Variants in YES1 observed in about 807,000 individuals in gnomAD.
The protein encoded by YES1 is YES proto-oncogene 1, Src family tyrosine kinase.
Under a neutral mutation model 70.4 loss-of-function variants are expected in YES1, and 39 were observed. The ratio of observed to expected loss-of-function variants is 0.55; its 90% CI spans 0.43 to 0.72. YES1 has a LOEUF of 0.72. Ranked by LOEUF, YES1 falls within the 30% of genes least tolerant of loss-of-function variation. The pLI is 0.00. For synonymous variants in YES1, 198 were observed against 218.6 expected (o/e 0.91, Z 0.83); for missense variants, 495 against 644.8 (o/e 0.77, Z 2.52).
rs145406545 is a variant in YES1 at position 769,070 on chromosome 18, C to A, written c.-8-12235G>T. On this transcript the variant is annotated intron_variant, in intron 1 of 11. Coordinates refer to ENST00000314574, the MANE Select transcript of YES1 (RefSeq NM_005433.4). ...CTGCCTACAGCATTCAGTATAGTGA[C>A]ATGTTTGTAGCCTAGGAGCCATAGG... is the stretch of plus-strand genomic sequence containing the variant. Among the ~76,000 whole-genome samples the A allele has an allele frequency of 5.2e-4, 79 of 152,222 alleles. 1 individual carries two copies. In the East Asian group the frequency reaches 0.013, roughly 24 times the overall value.
chr18:779,014 T>C (rs1226131919), intron 1 of YES1, among the ~76,000 whole-genome samples: 1 of 152,192 alleles, frequency 6.6e-6, no homozygotes, highest in Non-Finnish European at 1.5e-5. Flanking sequence ...ACAATTGACC[T>C]TAAAGTAACC....
upstream of YES1, chr18:812,349 C>T (rs946952753): frequency 3.3e-5 from 5 of 151,884 alleles, no homozygotes. Context: ...CGGCCCCGCC[C>T]CCTGACTTCT....
At chr18:749,023 C>T (rs2080311506) in intron 3 of YES1, among the ~76,000 whole-genome samples, 1 of 151,940 alleles carries the variant, frequency 6.6e-6, no homozygotes, top group Non-Finnish European at 1.5e-5. Flanking sequence ...TAGCTAGATG[C>T]AGCGGCATGC....
intron 1 of YES1, among the ~76,000 whole-genome samples, chr18:792,150 G>A (rs892449740): frequency 6.6e-5 from 10 of 151,810 alleles, no homozygotes; most frequent in South Asian, 2.1e-4. Flanking sequence ...AAAAAATAAG[G>A]AAGTTTAGCC....
At chr18:745,552 T>A (rs1208994818) in intron 6 of YES1, among the ~76,000 whole-genome samples, 156 bp downstream of exon 6, 1 of 152,226 alleles carries the variant, frequency 6.6e-6, no homozygotes, top group Non-Finnish European at 1.5e-5. Flanking sequence ...GTACTAAGTA[T>A]TACCTGTTCC....
Position 795,000 on chromosome 18 carries a change from T to C in YES1, c.-9+17114A>G, listed in dbSNP as rs147116326. Among the ~76,000 whole-genome samples, 335 of 152,118 alleles carry C rather than the reference T, an allele frequency of 2.2e-3. 1 individual carries two copies. The highest frequency in any genetic ancestry group is 0.01 in the Middle Eastern group (3 of 294). On this transcript the variant is annotated intron_variant, in intron 1 of 11. Coordinates refer to ENST00000314574, the MANE Select transcript of YES1 (RefSeq NM_005433.4). ...CTGGCTAATTTTTGTATTTTTAGTA[T>C]AGACAAGGTTTCACCCATTAGCCAG...
intron 1 of YES1, among the ~76,000 whole-genome samples, chr18:799,937 G>A (rs1019723570): frequency 6.6e-6 from 1 of 151,962 alleles, no homozygotes; most frequent in African/African-American, 2.4e-5. Flanking sequence ...ATGATTGCTG[G>A]ACATATATTT....
intron 1 of YES1, chr18:797,891 C>G (rs1163575232): frequency 1.3e-5 from 2 of 152,164 alleles, no homozygotes; most frequent in African/African-American, 4.8e-5. Context: ...GACCTAGAGA[C>G]ATGAACTCAT....
chr18:743,437 A>C, intron 6 of YES1, 22 bp from the exon 7 acceptor site: 12 of 1,581,984 alleles, frequency 7.6e-6, no homozygotes, highest in Non-Finnish European at 1.0e-5. Flanking sequence ...AATAAACTAT[A>C]CTGTAATATC....
chr18:793,509 T>A (rs1436003563), intron 1 of YES1, among the ~76,000 whole-genome samples: 1 of 152,080 alleles, frequency 6.6e-6, no homozygotes, highest in African/African-American at 2.4e-5. Flanking sequence ...ACTAATTTTT[T>A]AATTTTTTGC....
intron 1 of YES1, among the ~76,000 whole-genome samples, chr18:799,606 G>T (rs1056882227): frequency 6.6e-6 from 1 of 152,192 alleles, no homozygotes; most frequent in African/African-American, 2.4e-5. Context: ...AACTCAGGAG[G>T]CTGAGGCAGG....
chr18:762,950 A>G (rs950514321), intron 1 of YES1, among the ~76,000 whole-genome samples: 1 of 152,212 alleles, frequency 6.6e-6, no homozygotes, highest in Non-Finnish European at 1.5e-5. Context: ...AATACAACAA[A>G]TGTTATCAGC....
At chr18:747,131 TAATA>T (rs969967234) in intron 4 of YES1, among the ~76,000 whole-genome samples, 4 of 152,168 alleles carry the variant, frequency 2.6e-5, no homozygotes, top group Admixed American at 2.6e-4. Flanking sequence ...CATAAAATGA[TAATA>T]AATCTCTGAA....
At chr18:805,221 A>G (rs1335904932) in intron 1 of YES1, among the ~76,000 whole-genome samples, 2 of 152,188 alleles carry the variant, frequency 1.3e-5, no homozygotes, top group Non-Finnish European at 2.9e-5. Flanking sequence ...ACCTTGGGCC[A>G]TATAGTATGG....
chr18:807,823 CA>C (rs1314563202), intron 1 of YES1, among the ~76,000 whole-genome samples: 1 of 152,044 alleles, frequency 6.6e-6, no homozygotes, highest in Non-Finnish European at 1.5e-5. Context: ...AAGTAGAGTC[CA>C]AAGAACCTAT....
At chr18:784,229 CCAT>C (rs1905824974) in intron 1 of YES1, among the ~76,000 whole-genome samples, 1 of 152,130 alleles carries the variant, frequency 6.6e-6, no homozygotes, top group Non-Finnish European at 1.5e-5. Context: ...TATATGCTCA[CCAT>C]ATTAAAATAT....
At chr18:733,862 G>A (rs2080120618) in intron 10 of YES1, among the ~76,000 whole-genome samples, 1 of 149,054 alleles carries the variant, frequency 6.7e-6, no homozygotes, top group African/African-American at 2.5e-5. Context: ...TATTATAGGT[G>A]TCTTACATTC....
intron 4 of YES1, among the ~76,000 whole-genome samples, chr18:746,725 A>G (rs1038654605): frequency 1.3e-5 from 2 of 152,234 alleles, no homozygotes; most frequent in Non-Finnish European, 2.9e-5. Context: ...GCGTTTATGA[A>G]TCCCAGATAA....
intron 1 of YES1, among the ~76,000 whole-genome samples, chr18:760,371 G>A (rs1904526551): frequency 6.6e-6 from 1 of 152,154 alleles, no homozygotes. Context: ...TCGGGAGGCT[G>A]AGGCAGAAGA....
Sources: allele counts gnomAD v4.1 joint callset (sites outside exome capture counted in the v4.1 genomes callset), GRCh38; gene constraint gnomAD v4.1.1; transcripts MANE v1.5; gene names NCBI Gene and HGNC (gene_info 2026-07-23, HGNC 2026-07-21).